The following PHACTR1 variants were observed in gnomAD, a reference collection of about 807,000 sequenced individuals.
PHACTR1 encodes the protein RPEL repeat containing 1.
Under a neutral mutation model 69.2 loss-of-function variants are expected in PHACTR1, and 16 were observed. The observed-to-expected ratio is 0.23, with a 90% CI of 0.16 to 0.35. PHACTR1 has a LOEUF of 0.35. Ranked by LOEUF, PHACTR1 falls within the 10% of genes least tolerant of loss-of-function variation. The pLI, the probability that PHACTR1 is intolerant of heterozygous loss-of-function variation, is 1.00. For missense variants in PHACTR1, 510 were observed against 734.7 expected, an observed-to-expected ratio of 0.69 and a Z score of 3.54; for synonymous variants, 312 against 284.5, an observed-to-expected ratio of 1.10 and a Z score of -0.97.
intron 4 of PHACTR1, among the ~76,000 whole-genome samples, chr6:12,876,375 A>G (rs928013479): frequency 4.6e-5 from 7 of 152,244 alleles, no homozygotes; most frequent in African/African-American, 1.4e-4. Flanking sequence ...GGTTAATATC[A>G]TTATCATTCC....
chr6:13,104,874 T>TCAAATTAACA (rs1396422721), intron 5 of PHACTR1, among the ~76,000 whole-genome samples: 12 of 152,212 alleles, frequency 7.9e-5, no homozygotes, highest in Non-Finnish European at 1.6e-4. Flanking sequence ...TTAATATCAT[T>TCAAATTAACA]CAAATTAACA....
intron 4 of PHACTR1, among the ~76,000 whole-genome samples, chr6:12,768,861 C>CACAA (rs1769021496): frequency 7.9e-6 from 1 of 127,036 alleles, no homozygotes; most frequent in East Asian, 2.5e-4. Context: ...CACACACACA[C>CACAA]AATGGAATAC....
intron 4 of PHACTR1, among the ~76,000 whole-genome samples, chr6:12,885,580 C>G (rs571482081): frequency 3.3e-5 from 5 of 152,284 alleles, no homozygotes; most frequent in African/African-American, 1.2e-4. Context: ...TCTGGCCGTC[C>G]CCTTACAGGG....
chr6:13,180,615 C>T (rs1231261141), intron 6 of PHACTR1, among the ~76,000 whole-genome samples: 2 of 152,244 alleles, frequency 1.3e-5, no homozygotes, highest in Non-Finnish European at 2.9e-5. Context: ...CTCTGGTTGT[C>T]TCGTCCAGCA....
At chr6:12,731,416 C>G (rs1763509600) in intron 3 of PHACTR1, among the ~76,000 whole-genome samples, 1 of 152,214 alleles carries the variant, frequency 6.6e-6, no homozygotes, top group African/African-American at 2.4e-5. Context: ...AGAGAAGAAA[C>G]TACTTGGCTT....
intron 5 of PHACTR1, among the ~76,000 whole-genome samples, chr6:13,085,017 TTACAA>T (rs1346294182): frequency 6.6e-6 from 1 of 152,094 alleles, no homozygotes; most frequent in Admixed American, 6.6e-5. Flanking sequence ...ATGTCCGCAA[TTACAA>T]TACATGTAAG....
intron 5 of PHACTR1, among the ~76,000 whole-genome samples, chr6:13,110,902 C>G (rs1230483154): frequency 6.6e-6 from 1 of 151,994 alleles, no homozygotes; most frequent in Non-Finnish European, 1.5e-5. Context: ...GAGTTTTGTG[C>G]CCTGGGTTTT....
chr6:13,254,714 T>C (rs1180351206), intron 10 of PHACTR1, among the ~76,000 whole-genome samples: 3 of 152,210 alleles, frequency 2.0e-5, no homozygotes, highest in Non-Finnish European at 2.9e-5. Context: ...AGAATCCTTC[T>C]CAACACAGAG....
At chr6:12,922,716 G>A (rs1787855114) in intron 4 of PHACTR1, among the ~76,000 whole-genome samples, 1 of 152,172 alleles carries the variant, frequency 6.6e-6, no homozygotes. Flanking sequence ...AAGGAGTATG[G>A]AAGTAAATAC....
chr6:12,838,891 G>C (rs1391793210), intron 4 of PHACTR1, among the ~76,000 whole-genome samples: 2 of 152,144 alleles, frequency 1.3e-5, no homozygotes, highest in African/African-American at 4.8e-5. Context: ...CTGGTCTCTA[G>C]GGTCTTCGGA....
intron 4 of PHACTR1, among the ~76,000 whole-genome samples, chr6:13,028,811 G>C (rs1055536846): frequency 3.3e-5 from 5 of 152,188 alleles, no homozygotes; most frequent in Non-Finnish European, 1.5e-5. Flanking sequence ...AAGGAGCAAG[G>C]TGGGTACTGC....
Position 13,003,950 on chromosome 6 carries a change from C to CATATATATATAT in PHACTR1, c.251-49415_251-49414insATATATATATAT, listed in dbSNP as rs1562119669. Among the ~76,000 whole-genome samples the CATATATATATAT allele has an allele frequency of 2.0e-3, 161 of 81,344 alleles. 10 individuals are homozygous for CATATATATATAT. Among genetic ancestry groups the CATATATATATAT allele is most frequent in the African/African-American group, 6.6e-3 (105 of 15,796 alleles). 53.4% of individuals were successfully genotyped at this position (81,344 alleles called of 152,430 possible). On this transcript the variant is annotated intron_variant, in intron 4 of 14. Coordinates refer to ENST00000332995, the MANE Select transcript of PHACTR1 (RefSeq NM_030948.6). ...TCTTTTTTTATGGCTCAGTAGTATT[C>CATATATATATAT]CTATATATATATATGTATATATATA...
chr6:12,824,563 A>G (rs1776578130), intron 4 of PHACTR1, among the ~76,000 whole-genome samples: 1 of 152,200 alleles, frequency 6.6e-6, no homozygotes, highest in South Asian at 2.1e-4. Flanking sequence ...TTTTTAGTTT[A>G]CCTTTCTGAA....
chr6:13,064,452 G>A (rs1333910959), intron 5 of PHACTR1, among the ~76,000 whole-genome samples: 1 of 149,960 alleles, frequency 6.7e-6, no homozygotes, highest in African/African-American at 2.5e-5. Flanking sequence ...CACGTAAATG[G>A]CAATGCAGAT....
At chr6:13,021,073 T>C (rs1800907812) in intron 4 of PHACTR1, among the ~76,000 whole-genome samples, 1 of 152,198 alleles carries the variant, frequency 6.6e-6, no homozygotes. Context: ...GTTTAAGTCA[T>C]AGAATTGTCA....
chr6:12,913,305 T>C lies in PHACTR1; in HGVS notation c.251-140060T>C, dbSNP rs546951789. Among the ~76,000 whole-genome samples the C allele has an allele frequency of 5.3e-5, 8 of 152,288 alleles. No homozygotes were observed. The East Asian group carries it at 1.5e-3, about 29-fold the overall frequency. ...AGCTCTCACTGTGTCCCAAGAGCAC[T>C]TAAAATGTCAAAACCTTCACTCAAA... On this transcript the variant is annotated intron_variant, in intron 4 of 14. Coordinates refer to ENST00000332995, the MANE Select transcript of PHACTR1 (RefSeq NM_030948.6).
At chr6:13,235,011 G>T (rs768169884) in intron 10 of PHACTR1, among the ~76,000 whole-genome samples, 1 of 152,116 alleles carries the variant, frequency 6.6e-6, no homozygotes, top group African/African-American at 2.4e-5. Context: ...ATTGTAATGC[G>T]CATGGTGTAT....
rs1582187645 is a variant in PHACTR1 at position 12,868,873 on chromosome 6, A to T, written c.250+119083A>T. 2.0e-5 allele frequency among the ~76,000 whole-genome samples: 3 copies of T among 152,206 alleles called. No homozygotes were observed. The South Asian group carries it at 6.2e-4, about 32-fold the overall frequency. On this transcript the variant is annotated intron_variant, in intron 4 of 14. Coordinates refer to ENST00000332995, the MANE Select transcript of PHACTR1 (RefSeq NM_030948.6). The stretch of plus-strand genomic sequence containing the variant: ...TGTCTTTTCACCAAAAGCCAGGAAA[A>T]TATAAGAACCTCAATTCTGCTTGGA...
chr6:12,942,221 A>C (rs554000875), intron 4 of PHACTR1, among the ~76,000 whole-genome samples: 2 of 152,220 alleles, frequency 1.3e-5, no homozygotes, highest in East Asian at 1.9e-4. Context: ...AATCCTCAAA[A>C]TGATCTGAGT....
Sources: allele counts gnomAD v4.1 joint callset (sites outside exome capture counted in the v4.1 genomes callset), GRCh38; gene constraint gnomAD v4.1.1; transcripts MANE v1.5; gene names NCBI Gene and HGNC (gene_info 2026-07-23, HGNC 2026-07-21).